The following STOML1 variants were observed in gnomAD, a reference collection of about 807,000 sequenced individuals.
STOML1 encodes stomatin like 1.
A neutral mutation model predicts 35.7 loss-of-function variants in STOML1; 27 were observed. The ratio of observed to expected loss-of-function variants is 0.76; its 90% CI spans 0.56 to 1.04. The LOEUF (loss-of-function observed/expected upper bound fraction) is 1.04. Ranked by LOEUF, STOML1 falls within the 50% of genes least tolerant of loss-of-function variation. STOML1 has a pLI of 0.00. For synonymous variants in STOML1, 219 were observed against 227.9 expected, an observed-to-expected ratio of 0.96 and a Z score of 0.35; for missense variants, 451 against 527.1, an observed-to-expected ratio of 0.86 and a Z score of 1.41.
chr15:73,991,138 A>C, intron 1 of STOML1: 1 of 436,468 alleles, frequency 2.3e-6, no homozygotes, highest in Non-Finnish European at 3.0e-6. Flanking sequence ...CAAACAACAA[A>C]AAACAAAAAC....
chr15:73,992,057 C>T (rs766672026), intron 1 of STOML1, 34 bp downstream of exon 1: 4 of 1,532,696 alleles, frequency 2.6e-6, no homozygotes, highest in African/African-American at 2.8e-5. Context: ...CCGGCCGGTC[C>T]CCCCCGGCTC....
rs755798139 is a variant in STOML1, at chr15:73,991,599, AG to A, written c.133+491del. ...AAGACTTTGAGGGCAAGACAGAAGC[AG>A]GGCAGATCCAACAGGCAGCTGAGGA... On this transcript the variant is annotated intron_variant, in intron 1 of 6. Transcript: ENST00000541638. The A allele has an allele frequency of 2.4e-4, 110 of 457,410 alleles. 2 individuals are homozygous for A. Among genetic ancestry groups the A allele is most frequent in the South Asian group, 1.0e-3 (67 of 64,580 alleles). 28.3% of individuals were successfully genotyped at this position (457,410 alleles called of 1,614,324 possible).
At chr15:73,991,954 C>T in intron 1 of STOML1, 137 bp downstream of exon 1, 1 of 1,322,550 alleles carries the variant, frequency 7.6e-7, no homozygotes, top group Non-Finnish European at 1.0e-6. Context: ...GCCCCCTCTC[C>T]ACATCGTATC....
In STOML1 at chr15:73,985,302, C is replaced by T; in HGVS notation, c.790+16G>A. 1.3e-6 allele frequency: 2 copies of T among 1,520,038 alleles called. No individual in the cohort carries two copies. The highest frequency in any genetic ancestry group is 8.8e-7 in the Non-Finnish European group (1 of 1,140,510). The allele number at this position is 1,520,038 out of a possible 1,614,324, so 94.2% of individuals were successfully genotyped here. A position where few individuals can be genotyped will look rare whatever the true frequency, so the allele number is the denominator to read the frequency against. On this transcript the variant is annotated intron_variant, in intron 5 of 6. Transcript: ENST00000541638. ...AGCTGGTAAACACCCCCGCTCTCCT[C>T]CCCAGGGCTCCTCACCTGGCCCCGG...
intron 4 of STOML1, 125 bp from the exon 5 acceptor site, chr15:73,985,638 C>A: frequency 8.6e-7 from 1 of 1,161,596 alleles, no homozygotes. Flanking sequence ...ACACTCCTAG[C>A]CTGGGAACAC....
At chr15:73,993,263 G>C (rs1009026959), upstream of STOML1, among the ~76,000 whole-genome samples, 1 of 152,222 alleles carries the variant, frequency 6.6e-6, no homozygotes, top group Non-Finnish European at 1.5e-5. Flanking sequence ...TCCAGGGCTT[G>C]AGAAAACCTG....
chr15:73,992,692 C>T (rs1186007464), upstream of STOML1, among the ~76,000 whole-genome samples: 1 of 152,138 alleles, frequency 6.6e-6, no homozygotes, highest in Non-Finnish European at 1.5e-5. Flanking sequence ...GCCTGTGGTC[C>T]CAGCCACTTG....
chr15:73,984,892 T>C lies in STOML1; in HGVS notation c.791-21A>G, dbSNP rs377142861. 5.8e-5 allele frequency: 94 copies of C among 1,613,176 alleles called. No individual in the cohort carries two copies. In the African/African-American group the frequency reaches 1.2e-3, roughly 20 times the overall value. On this transcript the variant is annotated intron_variant, in intron 5 of 6. Coordinates refer to ENST00000541638, the MANE Select transcript of STOML1 (RefSeq NM_004809.5). ...GTCTGCTGGGGGTGGCCAACAGGGT[T>C]GGGGAAGGAGGCAGAGAGGAGGTCA... is the stretch of plus-strand genomic sequence containing the variant.
chr15:73,987,140 T>A (rs898597472), intron 4 of STOML1: 3 of 153,420 alleles, frequency 2.0e-5, no homozygotes, highest in African/African-American at 7.3e-5. Context: ...TGAGCAGTGG[T>A]GGGGCTGGAG....
intron 4 of STOML1, chr15:73,987,295 G>A (rs1595862380): frequency 6.6e-6 from 1 of 152,570 alleles, no homozygotes; most frequent in East Asian, 1.9e-4. Flanking sequence ...GTGAATAAGT[G>A]TACGCCTGAA....
In STOML1 at chr15:73,985,388, C is replaced by T. The variant is rs570163689; in HGVS notation, c.720G>A (p.Gln240=). 6.4e-7 allele frequency: 1 copy of T among 1,558,494 alleles called. No homozygotes were observed. Among genetic ancestry groups the T allele is most frequent in the South Asian group, 1.2e-5 (1 of 82,758 alleles). The change falls in exon 5 of 7, where the codon CAG becomes CAA. Residue 240 remains glutamine, a synonymous_variant. Coordinates refer to ENST00000541638, the MANE Select transcript of STOML1 (RefSeq NM_004809.5). ...PAGPNLDSTL[Q]QLALHFLGGS... ...CTCCCAGGAAGTGCAGGGCCAGCTG[C>T]TGGAGGGTGCTGTCCAGGTTGGGCC...
At position 73,984,729 on chromosome 15, in the gene STOML1, C is replaced by T. The variant is rs2069033534; in HGVS notation, c.933G>A (p.Gly311=). ...FLSEALVSQV[G]ACYQFNVVLP... ...GGACGACATTGAACTGGTAGCAGGC[C>T]CCGACTTGGCTGACCAGGGCCTCAG... Residue 311 remains glycine, a synonymous_variant, in exon 6 of 7, where the codon GGG becomes GGA. Transcript: ENST00000541638. The T allele has an allele frequency of 6.2e-7, 1 of 1,613,966 alleles. No individual in the cohort carries two copies. Among genetic ancestry groups the T allele is most frequent in the Non-Finnish European group, 8.5e-7 (1 of 1,180,038 alleles).
intron 1 of STOML1, chr15:73,991,612 C>A (rs2069278328): frequency 2.2e-6 from 1 of 457,954 alleles, no homozygotes; most frequent in Non-Finnish European, 4.4e-6. Context: ...GCAGATCCAA[C>A]AGGCAGCTGA....
intron 6 of STOML1, among the ~76,000 whole-genome samples, chr15:73,984,376 T>C (rs969809731): frequency 1.3e-5 from 2 of 151,932 alleles, no homozygotes; most frequent in African/African-American, 4.8e-5. Flanking sequence ...GAGAAGTGGG[T>C]GAGATAATGT....
At chr15:73,987,101 T>A (rs886540067) in intron 4 of STOML1, 1 of 153,002 alleles carries the variant, frequency 6.5e-6, no homozygotes, top group Non-Finnish European at 1.5e-5. Flanking sequence ...TCCTGAGTGT[T>A]AGGAGGCAAG....
chr15:73,992,418 C>T, upstream of STOML1: 1 of 519,230 alleles, frequency 1.9e-6, no homozygotes, highest in Non-Finnish European at 3.0e-6. Flanking sequence ...GCTGGGAGGA[C>T]CGAACTGCAG....
In STOML1 at chr15:73,980,604, T is replaced by C. The variant is rs2068949810; in HGVS notation, c.*3333A>G. On this transcript the variant is annotated 3_prime_UTR_variant, in exon 7 of 7. Coordinates refer to ENST00000541638, the MANE Select transcript of STOML1 (RefSeq NM_004809.5). ...AGATACATATTTGGATTTTCTTGCA[T>C]ATATTTTTTTTTAAAAAACAAAACC... 6.6e-6 allele frequency: 1 copy of C among 152,202 alleles called. No homozygotes were observed. Among genetic ancestry groups the C allele is most frequent in the Admixed American group, 6.5e-5 (1 of 15,278 alleles). The allele number at this position is 152,202 out of a possible 1,614,324, so 9.4% of individuals were successfully genotyped here.
chr15:73,991,917 C>T (rs973165452), intron 1 of STOML1, 174 bp downstream of exon 1: 28 of 1,030,544 alleles, frequency 2.7e-5, no homozygotes, highest in Non-Finnish European at 3.7e-5. Context: ...GAGGGCGGAT[C>T]GGCGCTAGCA....
At chr15:73,989,332 C>A in intron 2 of STOML1, 75 bp from the exon 3 acceptor site, 7 of 1,424,964 alleles carry the variant, frequency 4.9e-6, no homozygotes, top group Non-Finnish European at 6.5e-6. Context: ...TAGGTCCCTT[C>A]CTCACTTCTC....
Sources: allele counts gnomAD v4.1 joint callset (sites outside exome capture counted in the v4.1 genomes callset), GRCh38; gene constraint gnomAD v4.1.1; transcripts MANE v1.5; gene names NCBI Gene and HGNC (gene_info 2026-07-23, HGNC 2026-07-21).